Variants in PREP observed in about 807,000 individuals in gnomAD.
The protein encoded by PREP is dJ355L5.1 (prolyl endopeptidase).
In PREP, 29 loss-of-function variants were observed where a neutral mutation model predicts 87.6. The ratio of observed to expected loss-of-function variants is 0.33; its 90% confidence interval spans 0.25 to 0.45. The LOEUF (loss-of-function observed/expected upper bound fraction) is 0.45. Among genes scored for constraint, PREP ranks in the 20% least tolerant of loss-of-function variants. The probability of loss-of-function intolerance (pLI) is 1.00; values close to 1 mark genes in which losing one functional copy is unlikely to be tolerated. For missense variants in PREP, 695 were observed against 886.5 expected (o/e 0.78, Z 2.74); for synonymous variants, 337 against 328.6 (o/e 1.03, Z -0.28).
At chr6:105,302,619 G>A in intron 10 of PREP, 1 of 452,096 alleles carries the variant, frequency 2.2e-6, no homozygotes, top group Admixed American at 2.5e-5. Flanking sequence ...AATTTCCTGA[G>A]GTTTTCTTTG....
At chr6:105,325,116 C>A (rs187205493) in intron 9 of PREP, among the ~76,000 whole-genome samples, 1 of 152,254 alleles carries the variant, frequency 6.6e-6, no homozygotes, top group Non-Finnish European at 1.5e-5. Flanking sequence ...AAAAGGCTAT[C>A]TCTTGTGGTA....
Position 105,288,908 on chromosome 6 carries a change from AAGC to A in PREP, c.1318-17_1318-15del. ...AGGGTAGAAAATCTAGAATATAAGA[AAGC>A]AGAATATAAGATTTAGCATTACTTA... On this transcript the variant is annotated splice_polypyrimidine_tract_variant and intron_variant, in intron 10 of 14. Transcript: ENST00000652536. 1 of 1,606,332 alleles carries A rather than the reference AAGC, an allele frequency of 6.2e-7. No individual in the cohort carries two copies. Among genetic ancestry groups the A allele is most frequent in the Non-Finnish European group, 8.5e-7 (1 of 1,173,556 alleles).
In PREP at chr6:105,321,623, G is replaced by GA. The variant is rs1210180783; in HGVS notation, c.1317+2041dup. Among the ~76,000 whole-genome samples, 8 of 151,650 alleles carry GA rather than the reference G, an allele frequency of 5.3e-5. No homozygotes were observed. The East Asian group carries it at 9.7e-4, about 18-fold the overall frequency. On this transcript the variant is annotated intron_variant, in intron 10 of 14. Coordinates refer to ENST00000652536, the MANE Select transcript of PREP (RefSeq NM_002726.5). ...AAGAATATTACCATTATCAGAATAG[G>GA]AAAAAAAAGCCATCTAATAGAGGAA...
chr6:105,397,803 T>A, intron 2 of PREP, 50 bp downstream of exon 2: 1 of 1,370,140 alleles, frequency 7.3e-7, no homozygotes, highest in South Asian at 1.2e-5. Context: ...CATTTAGAGT[T>A]TGGTGCTAGC....
chr6:105,283,629 G>C (rs886432901), intron 12 of PREP, among the ~76,000 whole-genome samples: 1 of 152,140 alleles, frequency 6.6e-6, no homozygotes, highest in African/African-American at 2.4e-5. Flanking sequence ...ATTTTAAAAA[G>C]AGCATTAAAT....
intron 6 of PREP, among the ~76,000 whole-genome samples, chr6:105,353,644 C>A (rs1483645789): frequency 6.6e-6 from 1 of 151,720 alleles, no homozygotes. Flanking sequence ...TGGTGGTAGG[C>A]GCCTGTAATC....
chr6:105,373,466 A>C lies in PREP; in HGVS notation c.498T>G (p.Asp166Glu), dbSNP rs748497326. The C allele has an allele frequency of 4.3e-6, 7 of 1,614,232 alleles. No individual in the cohort carries two copies. Among genetic ancestry groups the C allele is most frequent in the Non-Finnish European group, 5.9e-6 (7 of 1,180,036 alleles). The change falls in exon 5 of 15, where the codon GAT becomes GAG. Residue 166 changes from aspartate (D) to glutamate (E), a missense_variant. By Grantham distance (45) the Asp-to-Glu change is conservative (BLOSUM62 2). Transcript: ENST00000652536. Reference protein sequence around the residue: ...MKVDGAKELPDVLERVKFSCM... With the variant: ...MKVDGAKELPEVLERVKFSCM... ...AGCTGAACTTGACTCTTTCAAGCAC[A>C]TCTGGAAGCTCTTTGGCACCATCAA...
At chr6:105,356,053 G>C (rs184811629) in intron 6 of PREP, among the ~76,000 whole-genome samples, 1 of 151,876 alleles carries the variant, frequency 6.6e-6, no homozygotes, top group Non-Finnish European at 1.5e-5. Flanking sequence ...TGTTTCTATT[G>C]ACTATTTTTC....
At position 105,328,915 on chromosome 6, in the gene PREP, G is replaced by A. The variant is rs372127457; in HGVS notation, c.1127C>T (p.Pro376Leu). The A allele has an allele frequency of 1.7e-5, 28 of 1,614,008 alleles. No homozygotes were observed. Among genetic ancestry groups the A allele is most frequent in the African/African-American group, 1.1e-4 (8 of 74,900 alleles). The change falls in exon 9 of 15, where the codon CCG (proline) becomes CTG (leucine). Residue 376 changes from proline (P) to leucine (L), a missense_variant. Around this residue, in one of 5 missense-constraint regions of PREP, gnomAD observed 517 missense variants for 620.3 expected, o/e 0.83. Coordinates refer to ENST00000652536, the MANE Select transcript of PREP (RefSeq NM_002726.5). The part of the protein sequence containing the change: ...LTTGALLKTF[P>L]LDVGSIVGYS... ...CCCTACAATGCTGCCGACATCGAGC[G>A]GGAAGGTCTTAAGGAGAGCACCAGT...
intron 10 of PREP, chr6:105,302,668 G>A: frequency 4.1e-6 from 2 of 483,992 alleles, no homozygotes; most frequent in South Asian, 3.4e-5. Context: ...ACGGGCAATG[G>A]AATTGTGGAT....
chr6:105,336,710 A>G (rs1036064132), intron 7 of PREP, among the ~76,000 whole-genome samples: 1 of 152,210 alleles, frequency 6.6e-6, no homozygotes, highest in African/African-American at 2.4e-5. Context: ...GCCTTCAAAC[A>G]GGCATTTTCC....
intron 4 of PREP, among the ~76,000 whole-genome samples, chr6:105,374,668 ATATATATATATATATATATATATATC>A (rs1426729931): frequency 4.3e-5 from 3 of 69,456 alleles, no homozygotes; most frequent in Non-Finnish European, 7.7e-5. Flanking sequence ...ATATATATAT[ATATATATATATATATATATATATATC>A]AGAAAATTTT....
chr6:105,369,810 A>AAAACAAACAAAC (rs143075222), intron 5 of PREP, among the ~76,000 whole-genome samples: 1 of 152,142 alleles, frequency 6.6e-6, no homozygotes, highest in Non-Finnish European at 1.5e-5. Context: ...AGCAATAAGA[A>AAAACAAACAAAC]AAACAAACAA....
chr6:105,312,982 C>G (rs1369004719), intron 10 of PREP, among the ~76,000 whole-genome samples: 1 of 151,988 alleles, frequency 6.6e-6, no homozygotes, highest in Non-Finnish European at 1.5e-5. Context: ...TATGAGGTAC[C>G]CTCACAATGC....
Position 105,323,728 on chromosome 6 carries a change from C to T in PREP, c.1254G>A (p.Glu418=). ...YHCDLTKEEL[E]PRVFREVTVK... is the part of the protein sequence containing the mutation. ...CGGTCACCTCTCGGAAAACTCTTGGCTCCAGCTCCTCTTTGGTAAGATCAC... is the reference window on the plus strand; with the variant it reads ...CGGTCACCTCTCGGAAAACTCTTGGTTCCAGCTCCTCTTTGGTAAGATCAC... The change falls in exon 10 of 15, where the codon GAG becomes GAA. Residue 418 remains glutamate (E), a synonymous_variant. Coordinates refer to ENST00000652536, the MANE Select transcript of PREP (RefSeq NM_002726.5). The T allele has an allele frequency of 6.2e-7, 1 of 1,613,854 alleles. No homozygotes were observed. Among genetic ancestry groups the T allele is most frequent in the Admixed American group, 1.7e-5 (1 of 60,032 alleles).
chr6:105,366,730 C>CAG (rs925947028), intron 6 of PREP, among the ~76,000 whole-genome samples: 1 of 152,092 alleles, frequency 6.6e-6, no homozygotes, highest in African/African-American at 2.4e-5. Flanking sequence ...GGCACACACA[C>CAG]ATGGAATATT....
intron 12 of PREP, among the ~76,000 whole-genome samples, chr6:105,283,242 A>G (rs1174918095): frequency 3.3e-5 from 5 of 152,260 alleles, no homozygotes; most frequent in Admixed American, 6.5e-5. Context: ...AAGATCTTCA[A>G]CGTTTCCCCA....
intron 10 of PREP, among the ~76,000 whole-genome samples, chr6:105,294,170 G>A (rs1221671058): frequency 6.6e-6 from 1 of 152,152 alleles, no homozygotes; most frequent in Non-Finnish European, 1.5e-5. Context: ...CTACATATCT[G>A]TGAAGAAACT....
intron 10 of PREP, among the ~76,000 whole-genome samples, chr6:105,303,157 A>ATGT: frequency 6.6e-6 from 1 of 152,034 alleles, no homozygotes; most frequent in East Asian, 1.9e-4. Context: ...GTATGTATGT[A>ATGT]AAGCAATCCT....
Sources: allele counts gnomAD v4.1 joint callset (sites outside exome capture counted in the v4.1 genomes callset), GRCh38; gene constraint gnomAD v4.1.1; regional missense constraint gnomAD v4.1.1; transcripts MANE v1.5; gene names NCBI Gene and HGNC (gene_info 2026-07-23, HGNC 2026-07-21).